The following PCDHGA6 variants were observed in gnomAD, a reference collection of about 807,000 sequenced individuals.
The protein encoded by PCDHGA6 is protocadherin gamma-A6.
Under a neutral mutation model 60.6 loss-of-function variants are expected in PCDHGA6, and 41 were observed. The observed-to-expected ratio is 0.68, with a 90% CI of 0.53 to 0.88. The LOEUF (loss-of-function observed/expected upper bound fraction) is 0.88, where lower values mean the gene tolerates loss of function less well. Ranked by LOEUF, PCDHGA6 falls within the 40% of genes least tolerant of loss-of-function variation. PCDHGA6 has a pLI of 0.00. For missense variants in PCDHGA6, 1,312 were observed against 1,203.0 expected, an observed-to-expected ratio of 1.09 and a Z score of -1.34; for synonymous variants, 594 against 524.4, an observed-to-expected ratio of 1.13 and a Z score of -1.81.
At chr5:141,409,639 G>T (rs948112966) in intron 1 of PCDHGA6, 2 of 1,613,760 alleles carry the variant, frequency 1.2e-6, no homozygotes, top group African/African-American at 1.3e-5. Flanking sequence ...CCTCTGACCC[G>T]GATTTGGGGC....
At position 141,376,251 on chromosome 5, in the gene PCDHGA6, G is replaced by A. The variant is rs748938190; in HGVS notation, c.2168G>A (p.Arg723His). 11 of 1,614,110 alleles carry A rather than the reference G, an allele frequency of 6.8e-6. No individual in the cohort carries two copies. The East Asian group carries it at 1.8e-4, about 26-fold the overall frequency. Residue 723 changes from arginine to histidine, a missense_variant, in exon 1 of 4, where the codon CGC becomes CAC. Physicochemically the swap from Arg to His is conservative, Grantham distance 29. Transcript: ENST00000517434. ...AGACTGCAGCGCTGGCACAAGTCAC[G>A]CCTGCTGCAGGCTTCGGGAGGTGGC... ...ALRLQRWHKS[R>H]LLQASGGGLA...
chr5:141,481,260 A>C (rs2099534771), intron 1 of PCDHGA6, among the ~76,000 whole-genome samples: 1 of 152,166 alleles, frequency 6.6e-6, no homozygotes, highest in Non-Finnish European at 1.5e-5. Context: ...CTAAAAGATC[A>C]CTGTAGGAAG....
At position 141,432,881 on chromosome 5, in the gene PCDHGA6, G is replaced by A; in HGVS notation, c.2424+56374G>A. On this transcript the variant is annotated intron_variant, in intron 1 of 3. Coordinates refer to ENST00000517434, the MANE Select transcript of PCDHGA6 (RefSeq NM_018919.3). This position sits in a 1 kb window ranked among gnomAD's most constrained non-coding sequence, Gnocchi z 6.0. ...GGTCTCCTGCGTCTTCCTGGCCTTC[G>A]TCATCTTGCTGCTGGCGCTCAGGCT... 6.2e-7 allele frequency: 1 copy of A among 1,614,170 alleles called. No homozygotes were observed. The highest frequency in any genetic ancestry group is 1.1e-5 in the South Asian group (1 of 91,088).
At position 141,477,577 on chromosome 5, in the gene PCDHGA6, G is replaced by T; in HGVS notation, c.2425-17230G>T. Reference sequence around the variant, plus strand: ...TAAGTGTCTGGGACCCCGACGCCCCGCAGAATGCTCGGCTTTCTTTCTTTC... The same window carrying T: ...TAAGTGTCTGGGACCCCGACGCCCCTCAGAATGCTCGGCTTTCTTTCTTTC... On this transcript the variant is annotated intron_variant, in intron 1 of 3. Transcript: ENST00000517434. The surrounding 1 kb of genome is among the most constrained non-coding windows in gnomAD (Gnocchi z 4.9). 1.2e-6 allele frequency: 2 copies of T among 1,614,124 alleles called. No homozygotes were observed. Among genetic ancestry groups the T allele is most frequent in the Non-Finnish European group, 1.7e-6 (2 of 1,180,020 alleles).
chr5:141,419,737 G>C lies in PCDHGA6; in HGVS notation c.2424+43230G>C, dbSNP rs201663350. The C allele has an allele frequency of 1.9e-6, 3 of 1,613,718 alleles. No homozygotes were observed. In the African/African-American group the frequency reaches 4.0e-5, roughly 22 times the overall value. Reference sequence around the variant, plus strand: ...GCCTGGGGCTGCGAACAGGCGAGGTGCGCATGGTGCGTGCTTTGGGTGACA... The same window carrying C: ...GCCTGGGGCTGCGAACAGGCGAGGTCCGCATGGTGCGTGCTTTGGGTGACA... On this transcript the variant is annotated intron_variant, in intron 1 of 3. Transcript: ENST00000517434.
chr5:141,455,477 C>A (rs557286491), intron 1 of PCDHGA6, among the ~76,000 whole-genome samples: 15 of 152,252 alleles, frequency 9.9e-5, no homozygotes, highest in African/African-American at 2.9e-4. Flanking sequence ...TATGCAGAGG[C>A]TGGTGGAGGT....
intron 1 of PCDHGA6, chr5:141,389,855 G>T: frequency 6.2e-7 from 1 of 1,614,060 alleles, no homozygotes; most frequent in Non-Finnish European, 8.5e-7. Context: ...CCACTGCCAC[G>T]TTGCACCTGG....
intron 1 of PCDHGA6, chr5:141,382,957 C>T (rs1350220102): frequency 6.2e-7 from 1 of 1,606,282 alleles, no homozygotes; most frequent in Non-Finnish European, 8.5e-7. Flanking sequence ...CTCCATCCTC[C>T]TGGGGACCCC....
At chr5:141,409,081 A>G (rs1220843821) in intron 1 of PCDHGA6, 3 of 1,613,820 alleles carry the variant, frequency 1.9e-6, no homozygotes, top group Non-Finnish European at 2.5e-6. Context: ...ATATGTTCTC[A>G]TTGGATGAGA....
rs1266310917 is a variant in PCDHGA6 at position 141,486,868 on chromosome 5, G to A, written c.2425-7939G>A. 2 of 1,614,104 alleles carry A rather than the reference G, an allele frequency of 1.2e-6. No homozygotes were observed. Among genetic ancestry groups the A allele is most frequent in the Non-Finnish European group, 1.7e-6 (2 of 1,180,056 alleles). ...ACCTCAATGACAATGCTCCAGCTGT[G>A]CTCCGTCCTCGGGCCCGGCCTGGTT... On this transcript the variant is annotated intron_variant, in intron 1 of 3. Transcript: ENST00000517434. The surrounding 1 kb of genome is among the most constrained non-coding windows in gnomAD (Gnocchi z 5.0).
intron 1 of PCDHGA6, chr5:141,430,977 A>G (rs761722055): frequency 1.2e-5 from 20 of 1,613,408 alleles, no homozygotes; most frequent in Middle Eastern, 1.7e-4. Flanking sequence ...GGTAGGACGC[A>G]GCTTTTCGCC....
At chr5:141,417,117 C>A (rs1199474234) in intron 1 of PCDHGA6, 3 of 151,748 alleles carry the variant, frequency 2.0e-5, no homozygotes, top group Non-Finnish European at 4.4e-5. Context: ...TACAGGACAC[C>A]CTGGATGATG....
chr5:141,389,888 G>A, intron 1 of PCDHGA6: 1 of 1,614,086 alleles, frequency 6.2e-7, no homozygotes, highest in Non-Finnish European at 8.5e-7. Context: ...GCTTGCAGGA[G>A]GTGCTGCCGG....
chr5:141,439,065 C>T (rs571768018), intron 1 of PCDHGA6, among the ~76,000 whole-genome samples: 13 of 151,628 alleles, frequency 8.6e-5, no homozygotes, highest in East Asian at 7.9e-4. Flanking sequence ...GTGTGGCAGG[C>T]GCCTGTAATC....
At chr5:141,412,917 G>C (rs918712966) in intron 1 of PCDHGA6, 2 of 410,214 alleles carry the variant, frequency 4.9e-6, no homozygotes, top group African/African-American at 2.1e-5. Context: ...GTATCACTTG[G>C]GTGCAGTAAC....
Position 141,485,400 on chromosome 5 carries a change from G to A in PCDHGA6, c.2425-9407G>A. On this transcript the variant is annotated intron_variant, in intron 1 of 3. Transcript: ENST00000517434. The surrounding 1 kb of genome is among the most constrained non-coding windows in gnomAD (Gnocchi z 5.7). ...GGAGAGGTGAACCAAAGACACTTCC[G>A]TGTGGATTTGGACAGCGGAGCCCTG... is the stretch of plus-strand genomic sequence containing the variant. The A allele has an allele frequency of 6.2e-7, 1 of 1,614,076 alleles. No homozygotes were observed. The highest frequency in any genetic ancestry group is 8.5e-7 in the Non-Finnish European group (1 of 1,179,948).
chr5:141,509,601 G>A (rs2099877534), intron 3 of PCDHGA6, among the ~76,000 whole-genome samples: 1 of 152,144 alleles, frequency 6.6e-6, no homozygotes, highest in Non-Finnish European at 1.5e-5. Flanking sequence ...ATTCCGAGAG[G>A]CTGCATTCTA....
chr5:141,394,496 G>T (rs779718881), intron 1 of PCDHGA6: 5 of 1,614,118 alleles, frequency 3.1e-6, no homozygotes, highest in Middle Eastern at 1.6e-4. Context: ...ACGCGCCCGA[G>T]ATCCTGTACC....
Position 141,421,312 on chromosome 5 carries a change from G to A in PCDHGA6, c.2424+44805G>A, listed in dbSNP as rs375071225. ...CCTGGGGACGCTGCGGGGGTTCCGGGCCAGGCAGATCCGATATTCGGTGCC... is the reference window on the plus strand; with the variant it reads ...CCTGGGGACGCTGCGGGGGTTCCGGACCAGGCAGATCCGATATTCGGTGCC... On this transcript the variant is annotated intron_variant, in intron 1 of 3. Coordinates refer to ENST00000517434, the MANE Select transcript of PCDHGA6 (RefSeq NM_018919.3). The A allele has an allele frequency of 1.9e-5, 31 of 1,613,630 alleles. No homozygotes were observed. The highest frequency in any genetic ancestry group is 1.4e-5 in the Non-Finnish European group (17 of 1,179,886).
Sources: gnomAD v4.1 joint callset for allele counts (sites outside exome capture counted in the v4.1 genomes callset) on GRCh38, gnomAD v4.1.1 for gene constraint, Gnocchi (gnomAD v3.1) non-coding constraint, MANE v1.5 for transcripts, NCBI Gene and HGNC (gene_info 2026-07-23, HGNC 2026-07-21) for gene names.